ANO2: variants seen among roughly 807,000 people sequenced by gnomAD.
The protein encoded by ANO2 is anoctamin 2.
ANO2 carries 101 observed loss-of-function variants against 124.2 expected under a neutral mutation model. That is an observed-to-expected ratio of 0.81 (90% CI 0.69 to 0.96). The LOEUF is 0.96. Among genes scored for constraint, ANO2 ranks in the 40% least tolerant of loss-of-function variants. The probability of loss-of-function intolerance (pLI) is 0.00; values close to 1 mark genes in which losing one functional copy is unlikely to be tolerated. For synonymous variants in ANO2, 486 were observed against 482.5 expected (o/e 1.01, Z -0.09); for missense variants, 1,293 against 1,274.5 (o/e 1.01, Z -0.22).
In ANO2 at chr12:5,862,231, G is replaced by A. The variant is rs965003982; in HGVS notation, c.535-8090C>T. 2.6e-5 allele frequency among the ~76,000 whole-genome samples: 4 copies of A among 152,164 alleles called. No individual in the cohort carries two copies. Among genetic ancestry groups the A allele is most frequent in the African/African-American group, 9.7e-5 (4 of 41,444 alleles). On this transcript the variant is annotated intron_variant, in intron 3 of 24. Transcript: ENST00000682330. The surrounding 1 kb of genome is among the most constrained non-coding windows in gnomAD (Gnocchi z 4.0). ...AACCCTGTCCTGCATAGGCCAAGGT[G>A]AAGGTGGCCAATAATCAGCAGAGGC... is the stretch of plus-strand genomic sequence containing the variant.
chr12:5,796,085 TCCTGCTGGATA>T (rs1196331045), intron 10 of ANO2, among the ~76,000 whole-genome samples: 2 of 152,092 alleles, frequency 1.3e-5, no homozygotes, highest in East Asian at 3.9e-4. Flanking sequence ...TCATCGAGGT[TCCTGCTGGATA>T]CCTCTCTAGG....
intron 15 of ANO2, among the ~76,000 whole-genome samples, chr12:5,645,470 CATGGCAT>C (rs1231434400): frequency 6.6e-6 from 1 of 151,904 alleles, no homozygotes; most frequent in Non-Finnish European, 1.5e-5. Flanking sequence ...CACATATATA[CATGGCAT>C]ATAAAAATCA....
intron 7 of ANO2, among the ~76,000 whole-genome samples, chr12:5,821,078 A>G (rs976477248): frequency 1.4e-4 from 22 of 152,226 alleles, no homozygotes; most frequent in African/African-American, 5.3e-4. Context: ...CGCTTCCACA[A>G]GATATCACAC....
At chr12:5,766,421 A>C (rs1159961518) in intron 10 of ANO2, among the ~76,000 whole-genome samples, 2 of 152,248 alleles carry the variant, frequency 1.3e-5, no homozygotes, top group Non-Finnish European at 2.9e-5. Context: ...AATCCCACAA[A>C]TATAATGTTG....
intron 7 of ANO2, among the ~76,000 whole-genome samples, chr12:5,816,324 A>ATTTT (rs66927312): frequency 1.3e-5 from 2 of 150,446 alleles, no homozygotes; most frequent in African/African-American, 4.9e-5. Context: ...CACATTCCTC[A>ATTTT]TTTTTTTTTT....
At chr12:5,648,049 A>C (rs1309520880) in intron 14 of ANO2, among the ~76,000 whole-genome samples, 2 of 152,176 alleles carry the variant, frequency 1.3e-5, no homozygotes, top group Non-Finnish European at 2.9e-5. Flanking sequence ...CACGGGGCTG[A>C]ATTTCTAGTT....
At chr12:5,603,451 TA>T (rs1944038778) in intron 19 of ANO2, among the ~76,000 whole-genome samples, 1 of 152,164 alleles carries the variant, frequency 6.6e-6, no homozygotes, top group Non-Finnish European at 1.5e-5. Flanking sequence ...ATTTACTAAA[TA>T]AATAATTTAC....
chr12:5,836,467 T>G lies in ANO2; in HGVS notation c.634-3864A>C, dbSNP rs142665668. 8.1e-4 allele frequency among the ~76,000 whole-genome samples: 124 copies of G among 152,350 alleles called. 1 individual carries two copies. Among genetic ancestry groups the G allele is most frequent in the African/African-American group, 2.7e-3 (113 of 41,580 alleles). On this transcript the variant is annotated intron_variant, in intron 4 of 24. Coordinates refer to ENST00000682330, the MANE Select transcript of ANO2 (RefSeq NM_001364791.2). The stretch of plus-strand genomic sequence containing the variant: ...GTGTTCTATCTGACATTTCTACTCT[T>G]GCCCACCTCCAATTCAGTCTCTACA...
At chr12:5,843,708 G>A (rs372737043) in intron 4 of ANO2, among the ~76,000 whole-genome samples, 4 of 152,134 alleles carry the variant, frequency 2.6e-5, no homozygotes, top group East Asian at 1.9e-4. Flanking sequence ...TCCTGTTGCC[G>A]AATTTCATAG....
At chr12:5,634,321 T>C (rs1449527397) in intron 16 of ANO2, among the ~76,000 whole-genome samples, 3 of 152,142 alleles carry the variant, frequency 2.0e-5, no homozygotes, top group Non-Finnish European at 4.4e-5. Context: ...GGTTATCCTA[T>C]CAAGGGTCCA....
At chr12:5,698,615 A>G (rs554423055) in intron 14 of ANO2, among the ~76,000 whole-genome samples, 1 of 152,368 alleles carries the variant, frequency 6.6e-6, no homozygotes, top group South Asian at 2.1e-4. Flanking sequence ...TGACGAGTTG[A>G]GAGAAGAAGG....
At chr12:5,657,517 T>G (rs1947219181) in intron 14 of ANO2, among the ~76,000 whole-genome samples, 1 of 152,038 alleles carries the variant, frequency 6.6e-6, no homozygotes, top group African/African-American at 2.4e-5. Flanking sequence ...TATGCTTTTT[T>G]GAAATAGGAT....
intron 20 of ANO2, among the ~76,000 whole-genome samples, chr12:5,597,662 A>G (rs11063775): frequency 0.33 from 50,367 of 152,092 alleles, 8,516 homozygotes; most frequent in Admixed American, 0.4. Context: ...ATTGGTGGCG[A>G]CGGAAGTGGG....
intron 3 of ANO2, among the ~76,000 whole-genome samples, chr12:5,878,255 T>C (rs1938242835): frequency 1.3e-5 from 2 of 152,248 alleles, no homozygotes; most frequent in African/African-American, 4.8e-5. Context: ...GTAAGGGAAG[T>C]AGAATAATCT....
intron 3 of ANO2, among the ~76,000 whole-genome samples, chr12:5,875,062 C>T (rs986435525): frequency 1.3e-5 from 2 of 152,216 alleles, no homozygotes; most frequent in African/African-American, 2.4e-5. Flanking sequence ...GACATATCTG[C>T]ACCTGGCCCC....
chr12:5,563,572 C>G lies in ANO2; in HGVS notation c.2728-4G>C. On this transcript the variant is annotated splice_region_variant and splice_polypyrimidine_tract_variant and intron_variant, in intron 24 of 24. Coordinates refer to ENST00000682330, the MANE Select transcript of ANO2 (RefSeq NM_001364791.2). The stretch of plus-strand genomic sequence containing the variant: ...CGCTCAGGAACATCACGAGGTTCTG[C>G]AAAAAGCCAAGGAGAGAGGGGCTGA... The G allele has an allele frequency of 6.2e-7, 1 of 1,613,324 alleles. No homozygotes were observed. The highest frequency in any genetic ancestry group is 8.5e-7 in the Non-Finnish European group (1 of 1,179,610).
intron 3 of ANO2, among the ~76,000 whole-genome samples, chr12:5,905,649 C>G (rs1940624966): frequency 6.6e-6 from 1 of 152,180 alleles, no homozygotes; most frequent in Non-Finnish European, 1.5e-5. Flanking sequence ...CGTCTTTTTT[C>G]TGAAGAGCCC....
At chr12:5,702,969 T>C (rs890592957) in intron 14 of ANO2, among the ~76,000 whole-genome samples, 17 of 152,222 alleles carry the variant, frequency 1.1e-4, no homozygotes, top group African/African-American at 3.9e-4. Flanking sequence ...ATCCTGTAAA[T>C]ATGTGTGTAC....
intron 10 of ANO2, among the ~76,000 whole-genome samples, chr12:5,781,704 A>T (rs1952401172): frequency 7.2e-6 from 1 of 138,894 alleles, no homozygotes; most frequent in Non-Finnish European, 1.6e-5. Context: ...TCAGCTTGCA[A>T]CAGATGAAAG....
Sources: allele counts gnomAD v4.1 joint callset (sites outside exome capture counted in the v4.1 genomes callset), GRCh38; gene constraint gnomAD v4.1.1; non-coding constraint Gnocchi (gnomAD v3.1); transcripts MANE v1.5; gene names NCBI Gene and HGNC (gene_info 2026-07-23, HGNC 2026-07-21).